LDLRAD4: variants seen among roughly 807,000 people sequenced by gnomAD.
LDLRAD4 encodes low density lipoprotein receptor class A domain containing 4, also known as low-density lipoprotein receptor class A domain-containing protein 4.
Under a neutral mutation model 17.0 loss-of-function variants are expected in LDLRAD4, and 5 were observed. The ratio of observed to expected loss-of-function variants is 0.29; its 90% confidence interval spans 0.15 to 0.62. The LOEUF is 0.62. LDLRAD4 is among the 20% of genes least tolerant of loss of function. LDLRAD4 has a pLI of 0.84. For synonymous variants in LDLRAD4, 168 were observed against 171.8 expected, an observed-to-expected ratio of 0.98 and a Z score of 0.17; for missense variants, 340 against 424.7, an observed-to-expected ratio of 0.80 and a Z score of 1.75.
intron 3 of LDLRAD4, among the ~76,000 whole-genome samples, chr18:13,555,577 A>G (rs1199354963): frequency 6.6e-6 from 1 of 152,248 alleles, no homozygotes; most frequent in Admixed American, 6.5e-5. Flanking sequence ...AGAAAATGCA[A>G]ACTATAAGTG....
chr18:13,405,806 G>T (rs2087686509), intron 2 of LDLRAD4, among the ~76,000 whole-genome samples: 2 of 152,106 alleles, frequency 1.3e-5, no homozygotes, highest in Non-Finnish European at 2.9e-5. Context: ...GCTCTGGCGT[G>T]CAGGGCCCTG....
At chr18:13,574,807 T>C (rs2094745279) in intron 3 of LDLRAD4, among the ~76,000 whole-genome samples, 1 of 152,260 alleles carries the variant, frequency 6.6e-6, no homozygotes, top group South Asian at 2.1e-4. Context: ...GGTTCTACCA[T>C]GTTCCAAGCT....
intron 2 of LDLRAD4, among the ~76,000 whole-genome samples, chr18:13,407,157 T>G (rs996879863): frequency 3.3e-5 from 5 of 152,186 alleles, no homozygotes; most frequent in Non-Finnish European, 5.9e-5. Context: ...TTCCCTACCC[T>G]TGCTGTAAAC....
At position 13,622,368 on chromosome 18, in the gene LDLRAD4, G is replaced by A. The variant is rs971553485; in HGVS notation, c.336+1097G>A. Among the ~76,000 whole-genome samples, 8 of 152,144 alleles carry A rather than the reference G, an allele frequency of 5.3e-5. No individual in the cohort carries two copies. Among genetic ancestry groups the A allele is most frequent in the Non-Finnish European group, 2.9e-5 (2 of 68,018 alleles). On this transcript the variant is annotated intron_variant, in intron 4 of 5. Coordinates refer to ENST00000359446, the Ensembl canonical transcript of LDLRAD4. This position sits in a 1 kb window ranked among gnomAD's most constrained non-coding sequence, Gnocchi z 5.3. ...GGAGAAGGAAGGGGTGGGTGCTACC[G>A]AGTGCTATCTTCAGACCATGGTGAG...
intron 1 of LDLRAD4, among the ~76,000 whole-genome samples, chr18:13,309,173 C>T (rs2047084259): frequency 6.6e-6 from 1 of 152,174 alleles, no homozygotes; most frequent in East Asian, 1.9e-4. Flanking sequence ...GGCCTGTGAG[C>T]GACCCGGCCC....
chr18:13,636,815 G>A (rs994546431), intron 4 of LDLRAD4, among the ~76,000 whole-genome samples: 17 of 142,378 alleles, frequency 1.2e-4, no homozygotes, highest in African/African-American at 4.3e-4. Flanking sequence ...TTTTTTTTTC[G>A]AGATGGAGTC....
At chr18:13,499,033 C>CA (rs2093554213) in intron 3 of LDLRAD4, among the ~76,000 whole-genome samples, 1 of 150,288 alleles carries the variant, frequency 6.7e-6, no homozygotes, top group African/African-American at 2.5e-5. Context: ...TCTTGCCACA[C>CA]ACGTCCTGCC....
intron 2 of LDLRAD4, among the ~76,000 whole-genome samples, chr18:13,412,778 G>A (rs751820087): frequency 1.2e-4 from 19 of 152,132 alleles, no homozygotes; most frequent in South Asian, 4.1e-4. Flanking sequence ...AATAGCACCC[G>A]GCAGCCAGTA....
At chr18:13,500,789 C>T (rs1177947006) in intron 3 of LDLRAD4, 2 of 151,940 alleles carry the variant, frequency 1.3e-5, no homozygotes, top group South Asian at 2.1e-4. Context: ...ACCACAGAGA[C>T]GAGATCATCG....
At chr18:13,327,568 A>T (rs1024805002) in intron 1 of LDLRAD4, among the ~76,000 whole-genome samples, 5 of 152,076 alleles carry the variant, frequency 3.3e-5, no homozygotes, top group African/African-American at 1.2e-4. Context: ...AGATTTCCAT[A>T]TGGTGCGTGT....
chr18:13,601,107 TC>T (rs1425633132), intron 3 of LDLRAD4, among the ~76,000 whole-genome samples: 5 of 152,210 alleles, frequency 3.3e-5, no homozygotes, highest in Admixed American at 2.6e-4. Context: ...GTCCAGTCGA[TC>T]CATCTCCATT....
At chr18:13,451,326 G>A (rs923571469) in intron 3 of LDLRAD4, among the ~76,000 whole-genome samples, 1 of 152,144 alleles carries the variant, frequency 6.6e-6, no homozygotes, top group East Asian at 1.9e-4. Context: ...TTGTGGCTTG[G>A]TGCTGTCCTT....
intron 1 of LDLRAD4, among the ~76,000 whole-genome samples, chr18:13,356,900 G>A (rs1207592806): frequency 6.6e-6 from 1 of 152,318 alleles, no homozygotes; most frequent in Non-Finnish European, 1.5e-5. Context: ...TTGGAAGGCC[G>A]AGGTGGAGGG....
At chr18:13,605,874 A>T (rs1255760343) in intron 3 of LDLRAD4, among the ~76,000 whole-genome samples, 1 of 152,116 alleles carries the variant, frequency 6.6e-6, no homozygotes, top group East Asian at 1.9e-4. Context: ...TCTGGAGTAG[A>T]GCAGGGCTTC....
At chr18:13,282,994 C>G (rs2045377002) in intron 1 of LDLRAD4, among the ~76,000 whole-genome samples, 1 of 152,250 alleles carries the variant, frequency 6.6e-6, no homozygotes, top group Non-Finnish European at 1.5e-5. Context: ...CTTCCACCCT[C>G]TGAAGTCACA....
intron 1 of LDLRAD4, among the ~76,000 whole-genome samples, chr18:13,335,296 C>T (rs550107984): frequency 1.2e-3 from 176 of 152,314 alleles, no homozygotes; most frequent in African/African-American, 4.0e-3. Context: ...CCTCACTACA[C>T]GCCCTTACTT....
At chr18:13,485,240 A>G (rs1368653937) in intron 3 of LDLRAD4, among the ~76,000 whole-genome samples, 2 of 152,184 alleles carry the variant, frequency 1.3e-5, no homozygotes, top group East Asian at 1.9e-4. Flanking sequence ...CAGTGCTGGC[A>G]TAACTATTAC....
At chr18:13,592,002 ACAAGGAC>A (rs2095036069) in intron 3 of LDLRAD4, among the ~76,000 whole-genome samples, 1 of 152,240 alleles carries the variant, frequency 6.6e-6, no homozygotes, top group Admixed American at 6.5e-5. Context: ...TCATTCAACC[ACAAGGAC>A]ATCACCCTGG....
chr18:13,612,034 G>T (rs142432270), intron 3 of LDLRAD4: 2 of 985,540 alleles, frequency 2.0e-6, no homozygotes, highest in East Asian at 2.3e-4. Flanking sequence ...AGCCTAACGT[G>T]AGCGTCCCGC....
Sources: allele counts gnomAD v4.1 joint callset (sites outside exome capture counted in the v4.1 genomes callset), GRCh38; gene constraint gnomAD v4.1.1; non-coding constraint Gnocchi (gnomAD v3.1); transcripts MANE v1.5; gene names NCBI Gene and HGNC (gene_info 2026-07-23, HGNC 2026-07-21).